GLIS1: variants seen among roughly 807,000 people sequenced by gnomAD.
GLIS1 encodes the protein GLIS family zinc finger 1.
In GLIS1, 24 loss-of-function variants were observed where a neutral mutation model predicts 63.8. The observed-to-expected ratio is 0.38, with a 90% confidence interval of 0.27 to 0.53. The LOEUF (loss-of-function observed/expected upper bound fraction) is 0.53, where lower values mean the gene tolerates loss of function less well. GLIS1 is among the 20% of genes least tolerant of loss of function. GLIS1 has a pLI of 0.85. For missense variants in GLIS1, 1,036 were observed against 1,074.1 expected (o/e 0.96, Z 0.50); for synonymous variants, 450 against 482.5 (o/e 0.93, Z 0.88).
At chr1:53,713,566 C>T (rs533980355) in intron 2 of GLIS1, among the ~76,000 whole-genome samples, 53 of 152,330 alleles carry the variant, frequency 3.5e-4, no homozygotes, top group African/African-American at 1.2e-3. Context: ...CCAGCCTGGG[C>T]AACACGGTGA....
intron 2 of GLIS1, among the ~76,000 whole-genome samples, chr1:53,657,613 T>C (rs960266990): frequency 6.6e-5 from 10 of 152,120 alleles, no homozygotes; most frequent in Middle Eastern, 3.2e-3. Context: ...CACAAGGCTA[T>C]GTGGAGGGGG....
At chr1:53,691,081 C>A (rs548410062) in intron 2 of GLIS1, among the ~76,000 whole-genome samples, 7 of 152,174 alleles carry the variant, frequency 4.6e-5, no homozygotes, top group African/African-American at 1.7e-4. Flanking sequence ...AGAGACCAGG[C>A]GCCGTGGCTC....
In GLIS1 at chr1:53,639,068, A is replaced by AT. The variant is rs1483448103; in HGVS notation, c.260-38791dup. 1.3e-5 allele frequency among the ~76,000 whole-genome samples: 2 copies of AT among 152,246 alleles called. No homozygotes were observed. The highest frequency in any genetic ancestry group is 4.2e-4 in the South Asian group (2 of 4,808). On this transcript the variant is annotated intron_variant, in intron 2 of 10. Transcript: ENST00000628545. The surrounding 1 kb of genome is among the most constrained non-coding windows in gnomAD (Gnocchi z 4.6). Reference sequence around the variant, plus strand: ...CCTGAATCAAAGGATTGAAACTAGGATCTGCCACTGGTTAACTGTGTGACT... The same window carrying AT: ...CCTGAATCAAAGGATTGAAACTAGGATTCTGCCACTGGTTAACTGTGTGACT...
chr1:53,676,866 T>C (rs550786633), intron 2 of GLIS1, among the ~76,000 whole-genome samples: 2 of 152,314 alleles, frequency 1.3e-5, no homozygotes, highest in South Asian at 4.1e-4. Flanking sequence ...TTTATTATAA[T>C]TTCTCTTTCA....
chr1:53,604,930 G>GTA (rs1209603475), intron 2 of GLIS1, among the ~76,000 whole-genome samples: 19 of 11,210 alleles, frequency 1.7e-3, no homozygotes, highest in Admixed American at 9.4e-3. Flanking sequence ...GTGTGTGTGT[G>GTA]TGTATATATA....
At chr1:53,642,397 C>T (rs1645796855) in intron 2 of GLIS1, among the ~76,000 whole-genome samples, 1 of 152,156 alleles carries the variant, frequency 6.6e-6, no homozygotes, top group South Asian at 2.1e-4. Context: ...GCAGTGCTGT[C>T]AGAGTTTCAG....
At chr1:53,555,856 T>C (rs35345963) in intron 4 of GLIS1, among the ~76,000 whole-genome samples, 7,874 of 131,286 alleles carry the variant, frequency 0.06, 304 homozygotes, top group Middle Eastern at 0.1. Flanking sequence ...AGGTGTACTG[T>C]AGGTATGTGT....
Position 53,506,594 on chromosome 1 carries a change from T to TG in GLIS1, c.*24dup. On this transcript the variant is annotated 3_prime_UTR_variant, in exon 11 of 11. Coordinates refer to ENST00000628545, the MANE Select transcript of GLIS1 (RefSeq NM_001367484.1). ...GCGAGGTGGCATCTGCAGTGCTGGATGGGCAGGCGCATGTGGGGGCTCCTT... is the reference window on the plus strand; with the variant it reads ...GCGAGGTGGCATCTGCAGTGCTGGATGGGGCAGGCGCATGTGGGGGCTCCTT... 6.2e-7 allele frequency: 1 copy of TG among 1,611,298 alleles called. No individual in the cohort carries two copies. Among genetic ancestry groups the TG allele is most frequent in the Non-Finnish European group, 8.5e-7 (1 of 1,178,732 alleles).
chr1:53,648,240 C>CA (rs1262461808), intron 2 of GLIS1, among the ~76,000 whole-genome samples: 5 of 151,970 alleles, frequency 3.3e-5, no homozygotes, highest in African/African-American at 1.2e-4. Context: ...TTCAAATGGT[C>CA]AAAAAATATA....
chr1:53,709,359 CAT>C (rs1557534202), intron 2 of GLIS1, among the ~76,000 whole-genome samples: 5 of 121,920 alleles, frequency 4.1e-5, no homozygotes, highest in African/African-American at 1.9e-4. Flanking sequence ...CATATATATA[CAT>C]ATACATATAT....
rs114712456 is a variant in GLIS1, at chr1:53,558,148, T to C, written c.1321-28196A>G. On this transcript the variant is annotated intron_variant, in intron 4 of 10. Coordinates refer to ENST00000628545, the MANE Select transcript of GLIS1 (RefSeq NM_001367484.1). The stretch of plus-strand genomic sequence containing the variant: ...AAACACACGCAACGTGCAAACAATG[T>C]GACCAAGAGCCTGCCCTCGGAGGTG... 2.7e-3 allele frequency among the ~76,000 whole-genome samples: 405 copies of C among 152,266 alleles called. 1 individual carries two copies. Among genetic ancestry groups the C allele is most frequent in the African/African-American group, 9.4e-3 (391 of 41,552 alleles).
At chr1:53,582,193 T>C (rs1353236696) in intron 4 of GLIS1, among the ~76,000 whole-genome samples, 2 of 152,140 alleles carry the variant, frequency 1.3e-5, no homozygotes, top group Non-Finnish European at 2.9e-5. Flanking sequence ...GGTGGCTCCA[T>C]GCAAATGAAG....
intron 4 of GLIS1, among the ~76,000 whole-genome samples, chr1:53,577,301 C>T (rs2100484523): frequency 6.6e-6 from 1 of 152,198 alleles, no homozygotes; most frequent in Non-Finnish European, 1.5e-5. Flanking sequence ...GCCAGGCCTG[C>T]ACCAGCACCC....
At chr1:53,630,003 C>G (rs559571345) in intron 2 of GLIS1, among the ~76,000 whole-genome samples, 40 of 152,284 alleles carry the variant, frequency 2.6e-4, no homozygotes, top group African/African-American at 8.7e-4. Context: ...AATTGCATCT[C>G]CCAGACTGCT....
chr1:53,720,923 G>A (rs111283462), intron 2 of GLIS1, among the ~76,000 whole-genome samples: 182 of 151,952 alleles, frequency 1.2e-3, no homozygotes, highest in African/African-American at 2.3e-3. Context: ...ACTTGAGCCC[G>A]GAAGGTCCAG....
At chr1:53,571,520 T>C (rs933339526) in intron 4 of GLIS1, among the ~76,000 whole-genome samples, 1 of 152,242 alleles carries the variant, frequency 6.6e-6, no homozygotes, top group Non-Finnish European at 1.5e-5. Context: ...ATTCACAGAA[T>C]GTAATAGTAT....
chr1:53,730,626 G>A (rs1274166951), intron 2 of GLIS1, among the ~76,000 whole-genome samples: 1 of 152,138 alleles, frequency 6.6e-6, no homozygotes, highest in African/African-American at 2.4e-5. Flanking sequence ...CGGCAGGCAG[G>A]GCCATCCCTT....
At position 53,639,198 on chromosome 1, in the gene GLIS1, C is replaced by T. The variant is rs1051470747; in HGVS notation, c.260-38920G>A. Among the ~76,000 whole-genome samples, 1 of 152,122 alleles carries T rather than the reference C, an allele frequency of 6.6e-6. No homozygotes were observed. The highest frequency in any genetic ancestry group is 1.5e-5 in the Non-Finnish European group (1 of 68,016). On this transcript the variant is annotated intron_variant, in intron 2 of 10. Coordinates refer to ENST00000628545, the MANE Select transcript of GLIS1 (RefSeq NM_001367484.1). This position sits in a 1 kb window ranked among gnomAD's most constrained non-coding sequence, Gnocchi z 4.6. ...ATTCTAGAGATGAAGCCACACCAGC[C>T]GATGCAGAGTACCCACATGACACTG...
chr1:53,596,551 G>A (rs947411395), intron 3 of GLIS1, among the ~76,000 whole-genome samples: 1 of 152,214 alleles, frequency 6.6e-6, no homozygotes, highest in Non-Finnish European at 1.5e-5. Flanking sequence ...ATGGCCCCGT[G>A]ACAGCCCTCT....
Sources: allele counts gnomAD v4.1 joint callset (sites outside exome capture counted in the v4.1 genomes callset), GRCh38; gene constraint gnomAD v4.1.1; non-coding constraint Gnocchi (gnomAD v3.1); transcripts MANE v1.5; gene names NCBI Gene and HGNC (gene_info 2026-07-23, HGNC 2026-07-21).